The following PTPRJ variants were observed in gnomAD, a reference collection of about 807,000 sequenced individuals.
PTPRJ encodes the protein receptor-type tyrosine-protein phosphatase eta.
A neutral mutation model predicts 141.3 loss-of-function variants in PTPRJ; 129 were observed. That is an observed-to-expected ratio of 0.91 (90% CI 0.79 to 1.06). The LOEUF (loss-of-function observed/expected upper bound fraction) is 1.06. Ranked by LOEUF, PTPRJ falls within the 50% of genes least tolerant of loss-of-function variation. PTPRJ has a pLI of 0.00. For synonymous variants in PTPRJ, 610 were observed against 640.5 expected (o/e 0.95, Z 0.72); for missense variants, 1,601 against 1,679.7 (o/e 0.95, Z 0.82).
chr11:48,008,495 T>C (rs979788683), intron 1 of PTPRJ, among the ~76,000 whole-genome samples: 2 of 151,722 alleles, frequency 1.3e-5, no homozygotes, highest in Non-Finnish European at 2.9e-5. Context: ...TCTGACCTCG[T>C]GATCCAACTG....
At chr11:48,044,822 C>T (rs7934659) in intron 1 of PTPRJ, 63,753 of 152,164 alleles carry the variant, frequency 0.42, 18,498 homozygotes, top group African/African-American at 0.83. Flanking sequence ...TTGGCGTTGG[C>T]CTTGTTCACT....
chr11:48,113,990 C>G (rs1317410489), intron 3 of PTPRJ, among the ~76,000 whole-genome samples: 1 of 151,988 alleles, frequency 6.6e-6, no homozygotes, highest in East Asian at 1.9e-4. Context: ...TTAACTGCTC[C>G]CCTGTTGTTG....
rs59318369 is a variant in PTPRJ, at chr11:48,149,435, C to T, written c.3000-12C>T. On this transcript the variant is annotated splice_polypyrimidine_tract_variant and intron_variant, in intron 15 of 24. Transcript: ENST00000418331. ...CTTTTTTGTCTAATGGGTCTCTTTT[C>T]TCTTAAAACAGGAAAGATGCAAAGA... is the stretch of plus-strand genomic sequence containing the variant. 6.6e-7 allele frequency: 1 copy of T among 1,506,932 alleles called. No homozygotes were observed. Among genetic ancestry groups the T allele is most frequent in the Non-Finnish European group, 9.1e-7 (1 of 1,096,882 alleles). The allele number at this position is 1,506,932 out of a possible 1,614,324, so 93.3% of individuals were successfully genotyped here.
At chr11:48,104,113 G>A (rs1249766868) in intron 1 of PTPRJ, among the ~76,000 whole-genome samples, 1 of 152,194 alleles carries the variant, frequency 6.6e-6, no homozygotes, top group Non-Finnish European at 1.5e-5. Flanking sequence ...TGCTGTGCCT[G>A]ATGCCTTGTG....
chr11:48,064,763 C>T (rs532930542), intron 1 of PTPRJ, among the ~76,000 whole-genome samples: 3 of 151,846 alleles, frequency 2.0e-5, no homozygotes, highest in South Asian at 2.1e-4. Flanking sequence ...ACCACGGGCC[C>T]GAGAACTGAG....
intron 1 of PTPRJ, among the ~76,000 whole-genome samples, chr11:48,075,291 C>G (rs1002915368): frequency 6.6e-6 from 1 of 151,858 alleles, no homozygotes; most frequent in Non-Finnish European, 1.5e-5. Flanking sequence ...TTACAGGGGC[C>G]CGCTACCACG....
At chr11:48,120,594 T>A (rs1856680440) in intron 3 of PTPRJ, among the ~76,000 whole-genome samples, 1 of 151,664 alleles carries the variant, frequency 6.6e-6, no homozygotes, top group Non-Finnish European at 1.5e-5. Context: ...CCCAGCTAAT[T>A]TTTTTTTGTT....
chr11:48,007,885 C>T (rs1000514105), intron 1 of PTPRJ, among the ~76,000 whole-genome samples: 1 of 152,166 alleles, frequency 6.6e-6, no homozygotes, highest in African/African-American at 2.4e-5. Context: ...ATGTTGAAAC[C>T]AAGGCGCAGA....
rs937491703 is a variant in PTPRJ, at chr11:48,158,464, A to G, written c.3439-1466A>G. On this transcript the variant is annotated intron_variant, in intron 21 of 24. Coordinates refer to ENST00000418331, the MANE Select transcript of PTPRJ (RefSeq NM_002843.4). The surrounding 1 kb of genome is among the most constrained non-coding windows in gnomAD (Gnocchi z 4.4). ...TATGATTTCATAGATGAGGTAACTG[A>G]GGCTTGGGGAGTTTAAGAACTTGCC... is the stretch of plus-strand genomic sequence containing the variant. Among the ~76,000 whole-genome samples, 21 of 152,184 alleles carry G rather than the reference A, an allele frequency of 1.4e-4. No homozygotes were observed. The highest frequency in any genetic ancestry group is 4.8e-4 in the African/African-American group (20 of 41,444).
At chr11:48,091,148 G>A (rs771247964) in intron 1 of PTPRJ, among the ~76,000 whole-genome samples, 42 of 152,122 alleles carry the variant, frequency 2.8e-4, no homozygotes, top group Middle Eastern at 3.2e-3. Context: ...GGAGGAAGGC[G>A]GGGCAATGTT....
intron 1 of PTPRJ, among the ~76,000 whole-genome samples, chr11:48,054,709 G>A (rs1333518863): frequency 6.6e-6 from 1 of 152,152 alleles, no homozygotes; most frequent in Admixed American, 6.5e-5. Flanking sequence ...AGCATGAGCT[G>A]TAAGTTAGAG....
intron 1 of PTPRJ, among the ~76,000 whole-genome samples, chr11:48,006,581 A>C (rs983053220): frequency 3.3e-5 from 5 of 152,140 alleles, no homozygotes; most frequent in Non-Finnish European, 5.9e-5. Context: ...TTCTGCAAAG[A>C]GTCTGGTACT....
Position 48,156,070 on chromosome 11 carries a change from A to G in PTPRJ, c.3389A>G (p.Lys1130Arg), listed in dbSNP as rs1476330504. Reference protein sequence around the residue: ...LKDFWRMVWEKNVYAIIMLTK... With the variant: ...LKDFWRMVWERNVYAIIMLTK... The stretch of plus-strand genomic sequence containing the variant: ...GATTTTTGGCGTATGGTTTGGGAGA[A>G]AAATGTATATGCCATCATTATGTTG... The change falls in exon 21 of 25, where the codon AAA (lysine) becomes AGA (arginine). Residue 1130 changes from lysine (K) to arginine (R), a missense_variant. By Grantham distance (26) the Lys-to-Arg change is conservative (BLOSUM62 2). Transcript: ENST00000418331. 1 of 1,599,828 alleles carries G rather than the reference A, an allele frequency of 6.3e-7. No individual in the cohort carries two copies. Among genetic ancestry groups the G allele is most frequent in the African/African-American group, 1.3e-5 (1 of 74,732 alleles).
chr11:48,027,441 C>T (rs187352122), intron 1 of PTPRJ, among the ~76,000 whole-genome samples: 11 of 152,080 alleles, frequency 7.2e-5, no homozygotes, highest in Non-Finnish European at 1.3e-4. Flanking sequence ...CTAGAATCTC[C>T]GTATTGTTGC....
At chr11:48,001,718 A>C (rs1854503678) in intron 1 of PTPRJ, among the ~76,000 whole-genome samples, 1 of 152,178 alleles carries the variant, frequency 6.6e-6, no homozygotes, top group East Asian at 1.9e-4. Context: ...AATGAGATGC[A>C]GAGAAGCTAA....
intron 1 of PTPRJ, among the ~76,000 whole-genome samples, chr11:48,094,970 C>T (rs1456382754): frequency 6.6e-6 from 1 of 152,076 alleles, no homozygotes. Context: ...GCCAAGGGAG[C>T]CGGGCCATGG....
intron 1 of PTPRJ, among the ~76,000 whole-genome samples, chr11:48,090,064 T>C (rs2134297218): frequency 6.6e-6 from 1 of 152,340 alleles, no homozygotes; most frequent in South Asian, 2.1e-4. Flanking sequence ...AAACACATTT[T>C]TAAACAAAGC....
chr11:48,159,499 G>A (rs1249657847), intron 21 of PTPRJ, among the ~76,000 whole-genome samples: 1 of 152,200 alleles, frequency 6.6e-6, no homozygotes, highest in Admixed American at 6.5e-5. Flanking sequence ...CATGCTGAAA[G>A]CAGGGCCTGT....
intron 1 of PTPRJ, among the ~76,000 whole-genome samples, chr11:48,068,696 T>C (rs575148628): frequency 1.2e-4 from 18 of 152,330 alleles, no homozygotes; most frequent in Non-Finnish European, 2.5e-4. Context: ...CATTTTAAGA[T>C]AGAAGAGCGA....
Sources: allele counts gnomAD v4.1 joint callset (sites outside exome capture counted in the v4.1 genomes callset), GRCh38; gene constraint gnomAD v4.1.1; non-coding constraint Gnocchi (gnomAD v3.1); transcripts MANE v1.5; gene names NCBI Gene and HGNC (gene_info 2026-07-23, HGNC 2026-07-21).